The following STK39 variants were observed in gnomAD, a reference collection of about 807,000 sequenced individuals.
STK39 encodes STE20/SPS1-related proline-alanine-rich protein kinase.
In STK39, 20 loss-of-function variants were observed where a neutral mutation model predicts 77.8. The observed-to-expected ratio is 0.26, with a 90% CI of 0.18 to 0.37. STK39 has a LOEUF of 0.37. Ranked by LOEUF, STK39 falls within the 10% of genes least tolerant of loss-of-function variation. The probability of loss-of-function intolerance (pLI) is 1.00; values close to 1 mark genes in which losing one functional copy is unlikely to be tolerated. For missense variants in STK39, 479 were observed against 656.5 expected (o/e 0.73, Z 2.95); for synonymous variants, 246 against 234.1 (o/e 1.05, Z -0.47).
intron 1 of STK39, among the ~76,000 whole-genome samples, chr2:168,191,461 G>T (rs528931940): frequency 6.6e-6 from 1 of 152,228 alleles, no homozygotes; most frequent in South Asian, 2.1e-4. Flanking sequence ...TAACCCCATG[G>T]GAAGGCCCTG....
At chr2:168,126,849 C>T (rs959878466) in intron 10 of STK39, among the ~76,000 whole-genome samples, 7 of 152,102 alleles carry the variant, frequency 4.6e-5, no homozygotes, top group African/African-American at 1.4e-4. Context: ...TATTATGAAA[C>T]TAGAGAGCCA....
intron 16 of STK39, among the ~76,000 whole-genome samples, chr2:167,997,672 T>C (rs2105292044): frequency 6.6e-6 from 1 of 152,234 alleles, no homozygotes; most frequent in African/African-American, 2.4e-5. Context: ...ATCCTAAAAG[T>C]CTAAGAAATA....
intron 17 of STK39, among the ~76,000 whole-genome samples, chr2:167,960,058 G>A (rs919069744): frequency 3.9e-5 from 6 of 152,154 alleles, no homozygotes; most frequent in African/African-American, 4.8e-5. Flanking sequence ...ATGGTTTTGC[G>A]TTAAAGACAC....
intron 2 of STK39, among the ~76,000 whole-genome samples, chr2:168,170,164 A>G (rs1465801096): frequency 6.6e-6 from 1 of 152,224 alleles, no homozygotes; most frequent in Non-Finnish European, 1.5e-5. Flanking sequence ...ATCTTTCCAC[A>G]AAACTATCCC....
intron 2 of STK39, among the ~76,000 whole-genome samples, chr2:168,179,919 C>A (rs990710551): frequency 6.6e-6 from 1 of 152,170 alleles, no homozygotes; most frequent in Non-Finnish European, 1.5e-5. Context: ...AAACCAGAGA[C>A]CATAGCATCA....
intron 10 of STK39, chr2:168,112,937 G>A (rs1179158514): frequency 1.3e-5 from 2 of 152,142 alleles, no homozygotes; most frequent in Non-Finnish European, 2.9e-5. Flanking sequence ...GTGTGCTCTG[G>A]CCACTGGGTG....
chr2:168,199,920 C>G (rs1353768049), intron 1 of STK39, among the ~76,000 whole-genome samples: 2 of 152,156 alleles, frequency 1.3e-5, no homozygotes, highest in East Asian at 3.9e-4. Context: ...GGTCTTCAGC[C>G]ATATCAAATA....
At chr2:167,978,871 A>G (rs1223026657) in intron 16 of STK39, among the ~76,000 whole-genome samples, 4 of 151,248 alleles carry the variant, frequency 2.6e-5, no homozygotes, top group Admixed American at 6.6e-5. Flanking sequence ...ATCATCTAGT[A>G]CATACCCATT....
chr2:167,965,135 CA>C (rs796453833), intron 16 of STK39, among the ~76,000 whole-genome samples: 1 of 84,598 alleles, frequency 1.2e-5, no homozygotes, highest in Non-Finnish European at 2.2e-5. Context: ...AAAAAAAAAA[CA>C]AAAAAAAACA....
chr2:168,161,047 C>T (rs1688558121), intron 5 of STK39, among the ~76,000 whole-genome samples: 1 of 152,134 alleles, frequency 6.6e-6, no homozygotes, highest in South Asian at 2.1e-4. Flanking sequence ...TCTGCAATGA[C>T]AGGGTCACTC....
chr2:168,031,518 C>A (rs527624309), intron 14 of STK39, among the ~76,000 whole-genome samples: 1 of 152,148 alleles, frequency 6.6e-6, no homozygotes, highest in African/African-American at 2.4e-5. Flanking sequence ...GAAAGCCTAA[C>A]AGCCAGTACC....
chr2:168,169,603 G>A (rs1180535108), intron 2 of STK39, among the ~76,000 whole-genome samples: 1 of 149,744 alleles, frequency 6.7e-6, no homozygotes, highest in African/African-American at 2.5e-5. Context: ...CCCACCCAAA[G>A]TATCAGGTTC....
At chr2:168,042,577 C>CTTTTTTTTTTTTTTTTTTTTTTTT (rs540413448) in intron 14 of STK39, among the ~76,000 whole-genome samples, 1 of 133,046 alleles carries the variant, frequency 7.5e-6, no homozygotes. Context: ...TTCCTTCCTT[C>CTTTTTTTTTTTTTTTTTTTTTTTT]TTTTTTTTTT....
At chr2:168,234,253 G>C (rs1230272554) in intron 1 of STK39, among the ~76,000 whole-genome samples, 1 of 152,204 alleles carries the variant, frequency 6.6e-6, no homozygotes, top group East Asian at 1.9e-4. Context: ...TGTGATGAGG[G>C]AAACAGTCTA....
chr2:167,985,004 T>G (rs941270833), intron 16 of STK39, among the ~76,000 whole-genome samples: 20 of 152,188 alleles, frequency 1.3e-4, no homozygotes, highest in Non-Finnish European at 2.8e-4. Flanking sequence ...AAGTGGACAT[T>G]ACAGTACCTG....
intron 14 of STK39, among the ~76,000 whole-genome samples, chr2:168,043,079 C>T (rs549354927): frequency 2.8e-4 from 43 of 152,158 alleles, no homozygotes; most frequent in Non-Finnish European, 5.7e-4. Flanking sequence ...CTGGCCCCTC[C>T]GTCCCCACCG....
chr2:167,989,876 AT>A (rs770204356), intron 16 of STK39, among the ~76,000 whole-genome samples: 28 of 152,288 alleles, frequency 1.8e-4, no homozygotes, highest in Admixed American at 5.2e-4. Context: ...GTAAAAAAAA[AT>A]CATGATTAAA....
chr2:168,172,341 C>G (rs1688849668), intron 2 of STK39, among the ~76,000 whole-genome samples: 1 of 152,186 alleles, frequency 6.6e-6, no homozygotes, highest in African/African-American at 2.4e-5. Flanking sequence ...GTTGGCCCCA[C>G]TGGCTCAAGG....
At chr2:168,219,598 A>C (rs996027068) in intron 1 of STK39, among the ~76,000 whole-genome samples, 4 of 152,098 alleles carry the variant, frequency 2.6e-5, no homozygotes, top group Admixed American at 6.5e-5. Flanking sequence ...AAAAGAAAAC[A>C]TATCTAACCC....
Sources: gnomAD v4.1 joint callset for allele counts (sites outside exome capture counted in the v4.1 genomes callset) on GRCh38, gnomAD v4.1.1 for gene constraint, MANE v1.5 for transcripts, NCBI Gene and HGNC (gene_info 2026-07-23, HGNC 2026-07-21) for gene names.